SPATA13: variants seen among roughly 807,000 people sequenced by gnomAD.
The protein encoded by SPATA13 is spermatogenesis associated 13.
Under a neutral mutation model 104.0 loss-of-function variants are expected in SPATA13, and 50 were observed. That is an observed-to-expected ratio of 0.48 (90% CI 0.38 to 0.61). SPATA13 has a LOEUF of 0.61. Ranked by LOEUF, SPATA13 falls within the 20% of genes least tolerant of loss-of-function variation. SPATA13 has a pLI of 0.00. For synonymous variants in SPATA13, 606 were observed against 667.5 expected (o/e 0.91, Z 1.42); for missense variants, 1,524 against 1,690.6 (o/e 0.90, Z 1.73).
intron 2 of SPATA13, among the ~76,000 whole-genome samples, chr13:24,236,485 C>T (rs1200793563): frequency 1.3e-5 from 2 of 151,728 alleles, no homozygotes; most frequent in African/African-American, 4.8e-5. Context: ...GTCCCAGCTA[C>T]TCGGGGAGGC....
rs533972419 is a variant in SPATA13, at chr13:24,026,572, GTTTATTTTTTATT to G, written c.-112+8882_-112+8894del. The stretch of plus-strand genomic sequence containing the variant: ...GATACAAACTGCTGTTTATTTATTT[GTTTATTTTTTATT>G]TTTATTTTTTGAGACAGAGTCTCGC... On this transcript the variant is annotated intron_variant, in intron 3 of 14. Transcript: ENST00000424834. 3.6e-3 allele frequency among the ~76,000 whole-genome samples: 554 copies of G among 152,108 alleles called. 1 individual carries two copies. Among genetic ancestry groups the G allele is most frequent in the Non-Finnish European group, 6.6e-3 (450 of 67,978 alleles).
chr13:24,012,969 G>A (rs900070415), intron 2 of SPATA13, among the ~76,000 whole-genome samples: 1 of 152,136 alleles, frequency 6.6e-6, no homozygotes, highest in Non-Finnish European at 1.5e-5. Context: ...AGGCCAGCCC[G>A]ACACCTTCTC....
intron 4 of SPATA13, among the ~76,000 whole-genome samples, chr13:24,273,591 AT>A (rs1874769489): frequency 6.6e-6 from 1 of 152,244 alleles, no homozygotes. Flanking sequence ...AACACTGACT[AT>A]TAAGCATGTT....
chr13:24,154,693 C>A lies in SPATA13; in HGVS notation c.-111-68126C>A, dbSNP rs368805709. ...AGTTTCCAGGGGTGAGGAGTCTGGG[C>A]ACAGCTTAGCTGGCTCCTCAGCTCA... is the stretch of plus-strand genomic sequence containing the variant. On this transcript the variant is annotated intron_variant, in intron 3 of 14. Transcript: ENST00000424834. Among the ~76,000 whole-genome samples, 13 of 152,270 alleles carry A rather than the reference C, an allele frequency of 8.5e-5. No homozygotes were observed. In the South Asian group the frequency reaches 1.5e-3, roughly 17 times the overall value.
In SPATA13 at chr13:24,199,740, T is replaced by A. The variant is rs370024799; in HGVS notation, c.-111-23079T>A. Among the ~76,000 whole-genome samples the A allele has an allele frequency of 6.6e-5, 10 of 152,360 alleles. No homozygotes were observed. In the East Asian group the frequency reaches 1.5e-3, roughly 23 times the overall value. On this transcript the variant is annotated intron_variant, in intron 1 of 12. Coordinates refer to ENST00000382108, the MANE Select transcript of SPATA13 (RefSeq NM_001166271.3). ...TGTATTGGAATTTTCAATAGGCGCA[T>A]AACAGTGTCAGATCACATTGGCCAT...
rs551045619 is a variant in SPATA13, at chr13:24,116,779, C to G, written c.-112+99078C>G. Among the ~76,000 whole-genome samples the G allele has an allele frequency of 1.7e-3, 258 of 151,484 alleles. 2 individuals carry two copies. The East Asian group carries it at 0.027, about 16-fold the overall frequency. The stretch of plus-strand genomic sequence containing the variant: ...GTTGAAGCCCTACCAGCCCCCCCCC[C>G]CCAATGTGCTGATGTTTGGAGAAAG... On this transcript the variant is annotated intron_variant, in intron 3 of 14. Transcript: ENST00000424834.
chr13:24,008,162 G>A (rs908158883), intron 2 of SPATA13, among the ~76,000 whole-genome samples: 2 of 152,354 alleles, frequency 1.3e-5, no homozygotes, highest in Non-Finnish European at 2.9e-5. Flanking sequence ...CACACACTGT[G>A]TGCCCTCGGG....
intron 3 of SPATA13, among the ~76,000 whole-genome samples, chr13:24,150,966 A>C (rs1882084232): frequency 6.6e-6 from 1 of 152,190 alleles, no homozygotes; most frequent in South Asian, 2.1e-4. Context: ...TTGATGCATA[A>C]AGTTAGGCAT....
At position 24,222,993 on chromosome 13, in the gene SPATA13, G is replaced by A. The variant is rs773066345; in HGVS notation, c.64G>A (p.Gly22Ser). The change falls in exon 2 of 13, where the codon GGC becomes AGC. Residue 22 changes from glycine (G) to serine (S), a missense_variant. Coordinates refer to ENST00000382108, the MANE Select transcript of SPATA13 (RefSeq NM_001166271.3). ...GGAGAACATGACCACTGCCCCAAACGGCCTCGGGCCAGGCCCCGCAGCCCC... is the reference window on the plus strand; with the variant it reads ...GGAGAACATGACCACTGCCCCAAACAGCCTCGGGCCAGGCCCCGCAGCCCC... ...CLENMTTAPN[G>S]LGPGPAAPCA... is the part of the protein sequence containing the mutation. The A allele has an allele frequency of 5.8e-6, 9 of 1,551,152 alleles. No homozygotes were observed. The South Asian group carries it at 7.1e-5, about 12-fold the overall frequency.
intron 3 of SPATA13, among the ~76,000 whole-genome samples, chr13:24,151,553 C>G (rs531941154): frequency 6.6e-6 from 1 of 152,216 alleles, no homozygotes; most frequent in South Asian, 2.1e-4. Context: ...CTGTCTCTGT[C>G]AGGGTTTTGT....
At chr13:24,129,453 C>T (rs1881328307) in intron 3 of SPATA13, among the ~76,000 whole-genome samples, 1 of 152,164 alleles carries the variant, frequency 6.6e-6, no homozygotes, top group East Asian at 1.9e-4. Context: ...ACTTAAAGTT[C>T]TTATGGCCCT....
intron 2 of SPATA13, among the ~76,000 whole-genome samples, chr13:24,003,074 C>T (rs377269650): frequency 3.3e-4 from 51 of 152,282 alleles, no homozygotes; most frequent in African/African-American, 1.1e-3. Flanking sequence ...CTCAGTCTTC[C>T]GAACTACAGC....
chr13:24,267,173 A>G (rs986656930), intron 4 of SPATA13, among the ~76,000 whole-genome samples: 13 of 152,120 alleles, frequency 8.5e-5, no homozygotes, highest in African/African-American at 2.9e-4. Flanking sequence ...CCCATTTCCT[A>G]AAGTTGATGG....
rs565153842 is a variant in SPATA13, at chr13:24,278,406, A to G, written c.2165-5729A>G. Among the ~76,000 whole-genome samples, 4 of 152,286 alleles carry G rather than the reference A, an allele frequency of 2.6e-5. No homozygotes were observed. The South Asian group carries it at 8.3e-4, about 32-fold the overall frequency. On this transcript the variant is annotated intron_variant, in intron 4 of 12. Transcript: ENST00000382108. ...CTTAAATCAGTGCCTAGCACATTAT[A>G]GGCACCTGATAAAATAACATCTTGC...
chr13:24,080,705 C>T (rs927212411), intron 3 of SPATA13, among the ~76,000 whole-genome samples: 1 of 152,210 alleles, frequency 6.6e-6, no homozygotes, highest in African/African-American at 2.4e-5. Flanking sequence ...TATTGTACAC[C>T]TCAGCCTGTA....
At chr13:24,018,640 G>T (rs1179773963) in intron 3 of SPATA13, among the ~76,000 whole-genome samples, 1 of 152,188 alleles carries the variant, frequency 6.6e-6, no homozygotes, top group Non-Finnish European at 1.5e-5. Context: ...AGCGCTGCTT[G>T]TTTGATGTTT....
intron 2 of SPATA13, among the ~76,000 whole-genome samples, chr13:24,228,108 C>CTTTTTTTTTT (rs71186818): frequency 9.8e-6 from 1 of 102,284 alleles, no homozygotes; most frequent in African/African-American, 4.7e-5. Flanking sequence ...CTCTTGTACT[C>CTTTTTTTTTT]TTTTTTTTTT....
Position 24,228,497 on chromosome 13 carries a change from G to A in SPATA13, c.1653+3915G>A, listed in dbSNP as rs545283482. On this transcript the variant is annotated intron_variant, in intron 2 of 12. Coordinates refer to ENST00000382108, the MANE Select transcript of SPATA13 (RefSeq NM_001166271.3). ...TTATACATTGCATCTTATACACTGG[G>A]AATGTTCGGTGTTACTTGTAGAGAA... Among the ~76,000 whole-genome samples, 4 of 152,232 alleles carry A rather than the reference G, an allele frequency of 2.6e-5. 1 individual carries two copies. In the South Asian group the frequency reaches 8.3e-4, roughly 32 times the overall value.
chr13:24,177,473 T>C (rs774019230), intron 1 of SPATA13, among the ~76,000 whole-genome samples: 3 of 152,144 alleles, frequency 2.0e-5, no homozygotes, highest in Non-Finnish European at 2.9e-5. Context: ...GTGTCTCTCT[T>C]AGGCCTTTTT....
Sources: allele counts gnomAD v4.1 joint callset (sites outside exome capture counted in the v4.1 genomes callset), GRCh38; gene constraint gnomAD v4.1.1; transcripts MANE v1.5; gene names NCBI Gene and HGNC (gene_info 2026-07-23, HGNC 2026-07-21).